The following KDELR3 variants were observed in gnomAD, a reference collection of about 807,000 sequenced individuals.
The protein encoded by KDELR3 is KDEL endoplasmic reticulum protein retention receptor 3.
In KDELR3, 26 loss-of-function variants were observed where a neutral mutation model predicts 22.7. The observed-to-expected ratio is 1.15, with a 90% CI of 0.84 to 1.59. KDELR3 has a LOEUF of 1.59. KDELR3 is among the 40% of genes most tolerant of loss of function. KDELR3 has a pLI of 0.00. For missense variants in KDELR3, 289 were observed against 251.1 expected, an observed-to-expected ratio of 1.15 and a Z score of -1.02; for synonymous variants, 120 against 98.2, an observed-to-expected ratio of 1.22 and a Z score of -1.31.
chr22:38,469,507 G>A (rs550165052), intron 1 of KDELR3, among the ~76,000 whole-genome samples: 30 of 152,322 alleles, frequency 2.0e-4, no homozygotes, highest in African/African-American at 6.5e-4. Flanking sequence ...GGTGTGGAGG[G>A]AGTGGTTCTA....
Position 38,482,440 on chromosome 22 carries a change from T to C in KDELR3, c.605-56T>C, listed in dbSNP as rs1357344935. 8 of 1,385,848 alleles carry C rather than the reference T, an allele frequency of 5.8e-6. No individual in the cohort carries two copies. The Admixed American group carries it at 1.3e-4, about 23-fold the overall frequency. 85.8% of individuals were successfully genotyped at this position (1,385,848 alleles called of 1,614,324 possible). ...GATACCAAGATTATGCATCAAGTTA[T>C]AAAGCAGTCCTTTCATCAGATGGTA... On this transcript the variant is annotated intron_variant, in intron 4 of 4. Transcript: ENST00000216014.
At position 38,474,335 on chromosome 22, in the gene KDELR3, G is replaced by A. The variant is rs112752950; in HGVS notation, c.92-188G>A. On this transcript the variant is annotated intron_variant, in intron 1 of 4. Coordinates refer to ENST00000216014, the MANE Select transcript of KDELR3 (RefSeq NM_006855.4). ...ATTACAGTTTAATGAGAGGAACGAC[G>A]ACTCAAGTGATCCGATGGGAAGGGT... is the stretch of plus-strand genomic sequence containing the variant. The A allele has an allele frequency of 1.1e-4, 58 of 550,514 alleles. 1 individual carries two copies. In the East Asian group the frequency reaches 1.8e-3, roughly 17 times the overall value. The allele number at this position is 550,514 out of a possible 1,614,324, so 34.1% of individuals were successfully genotyped here. A position where few individuals can be genotyped will look rare whatever the true frequency, so the allele number is the denominator to read the frequency against.
intron 2 of KDELR3, among the ~76,000 whole-genome samples, chr22:38,477,152 A>ACC (rs2089565688): frequency 7.0e-6 from 1 of 143,694 alleles, no homozygotes; most frequent in Non-Finnish European, 1.5e-5. Flanking sequence ...TGACCTCGTG[A>ACC]TCTGCCCACC....
rs751774791 is a variant in KDELR3 at position 38,482,578 on chromosome 22, G to C, written c.*42G>C. On this transcript the variant is annotated 3_prime_UTR_variant, in exon 5 of 5. Transcript: ENST00000216014. ...TCTACGCCTTAACAAGCACATGAAG[G>C]AAACTATTTTGAATGTTCTCTTTGG... 3 of 1,534,386 alleles carry C rather than the reference G, an allele frequency of 2.0e-6. No individual in the cohort carries two copies. Among genetic ancestry groups the C allele is most frequent in the Admixed American group, 3.4e-5 (2 of 58,206 alleles).
At chr22:38,478,489 T>C (rs2089574820) in intron 2 of KDELR3, among the ~76,000 whole-genome samples, 3 of 129,488 alleles carry the variant, frequency 2.3e-5, no homozygotes, top group African/African-American at 5.8e-5. Context: ...GAGACAAGAC[T>C]GCACCACTGC....
chr22:38,474,343 T>G, intron 1 of KDELR3, 180 bp from the exon 2 acceptor site: 1 of 560,244 alleles, frequency 1.8e-6, no homozygotes, highest in Non-Finnish European at 3.2e-6. Flanking sequence ...ACGACTCAAG[T>G]GATCCGATGG....
intron 3 of KDELR3, among the ~76,000 whole-genome samples, chr22:38,480,519 C>T (rs1042086118): frequency 4.6e-5 from 7 of 151,630 alleles, no homozygotes; most frequent in Admixed American, 2.0e-4. Context: ...TGGCCGGGCA[C>T]GGTGGCTCAT....
intron 1 of KDELR3, among the ~76,000 whole-genome samples, chr22:38,469,334 C>T (rs1156716908): frequency 6.6e-6 from 1 of 152,164 alleles, no homozygotes; most frequent in African/African-American, 2.4e-5. Flanking sequence ...GCCTTTTCTG[C>T]CAGGCCAGGG....
At position 38,482,606 on chromosome 22, in the gene KDELR3, A is replaced by C; in HGVS notation, c.*70A>C. 1.5e-6 allele frequency: 2 copies of C among 1,350,892 alleles called. No individual in the cohort carries two copies. The highest frequency in any genetic ancestry group is 2.1e-6 in the Non-Finnish European group (2 of 948,064). 83.7% of individuals were successfully genotyped at this position (1,350,892 alleles called of 1,614,324 possible). A position where few individuals can be genotyped will look rare whatever the true frequency, so the allele number is the denominator to read the frequency against. ...ACTATTTTGAATGTTCTCTTTGGCA[A>C]CTTATCCATAATTTGGGATCAAATG... On this transcript the variant is annotated 3_prime_UTR_variant, in exon 5 of 5. Transcript: ENST00000216014.
chr22:38,472,735 T>C (rs2089532856), intron 1 of KDELR3, among the ~76,000 whole-genome samples: 2 of 152,184 alleles, frequency 1.3e-5, no homozygotes, highest in African/African-American at 4.8e-5. Context: ...GTTTTGCTCT[T>C]GTTGCCCAGG....
chr22:38,481,591 G>A, intron 4 of KDELR3, 127 bp downstream of exon 4: 9 of 1,527,132 alleles, frequency 5.9e-6, no homozygotes, highest in Non-Finnish European at 7.9e-6. Context: ...GTGTTCTAAT[G>A]CAAGAAGACA....
intron 4 of KDELR3, among the ~76,000 whole-genome samples, chr22:38,482,227 GAGA>G (rs879589902): frequency 7.9e-5 from 12 of 152,310 alleles, no homozygotes; most frequent in South Asian, 2.1e-4. Flanking sequence ...TCTAGGACTT[GAGA>G]AGGACTGCTG....
At chr22:38,472,686 T>C (rs765896882) in intron 1 of KDELR3, among the ~76,000 whole-genome samples, 8 of 152,020 alleles carry the variant, frequency 5.3e-5, no homozygotes, top group Non-Finnish European at 1.0e-4. Context: ...CTAAATACGA[T>C]GTTTTTTTGT....
At position 38,480,287 on chromosome 22, in the gene KDELR3, G is replaced by A. The variant is rs2145970156; in HGVS notation, c.351+536G>A. Among the ~76,000 whole-genome samples the A allele has an allele frequency of 1.3e-5, 2 of 152,068 alleles. 1 individual carries two copies. Among genetic ancestry groups the A allele is most frequent in the Middle Eastern group, 6.8e-3 (2 of 294 alleles). On this transcript the variant is annotated intron_variant, in intron 3 of 4. Coordinates refer to ENST00000216014, the MANE Select transcript of KDELR3 (RefSeq NM_006855.4). ...GCTTCCCAAGTAACTGGGATTATAG[G>A]CACGAGCCACCACACTCAGCTAATT...
chr22:38,479,858 T>A, intron 3 of KDELR3, 107 bp downstream of exon 3: 1 of 995,768 alleles, frequency 1.0e-6, no homozygotes, highest in Middle Eastern at 2.8e-4. Flanking sequence ...CCATTACTCA[T>A]GTATCTTTCA....
rs796304280 is a variant in KDELR3, at chr22:38,476,821, GC to G, written c.192+2205del. On this transcript the variant is annotated intron_variant, in intron 2 of 4. Coordinates refer to ENST00000216014, the MANE Select transcript of KDELR3 (RefSeq NM_006855.4). The stretch of plus-strand genomic sequence containing the variant: ...TTACAGGCGTGAGCCACCACACCTG[GC>G]CCCCCCTTTTTTTTTTTTTTTTGAG... Among the ~76,000 whole-genome samples the G allele has an allele frequency of 2.2e-4, 32 of 147,780 alleles. No homozygotes were observed. The Middle Eastern group carries it at 0.018, about 84-fold the overall frequency.
chr22:38,474,108 C>G (rs2089542127), intron 1 of KDELR3, among the ~76,000 whole-genome samples: 1 of 152,206 alleles, frequency 6.6e-6, no homozygotes, highest in South Asian at 2.1e-4. Flanking sequence ...CTTGTAAAGT[C>G]AGTGAGTTGT....
At chr22:38,480,454 A>C (rs944502298) in intron 3 of KDELR3, among the ~76,000 whole-genome samples, 10 of 152,076 alleles carry the variant, frequency 6.6e-5, no homozygotes, top group Non-Finnish European at 1.2e-4. Context: ...AGATTTTAAG[A>C]AACTGTGGCT....
chr22:38,470,962 C>G (rs756974336), intron 1 of KDELR3, among the ~76,000 whole-genome samples: 3 of 151,960 alleles, frequency 2.0e-5, no homozygotes, highest in Non-Finnish European at 4.4e-5. Flanking sequence ...TGGCACGTGG[C>G]GAAACCCCGT....
Sources: allele counts gnomAD v4.1 joint callset (sites outside exome capture counted in the v4.1 genomes callset), GRCh38; gene constraint gnomAD v4.1.1; transcripts MANE v1.5; gene names NCBI Gene and HGNC (gene_info 2026-07-23, HGNC 2026-07-21).